Variants in PSMA1 observed in about 807,000 individuals in gnomAD.
The protein encoded by PSMA1 is proteasome 20S subunit alpha 1.
Under a neutral mutation model 38.4 loss-of-function variants are expected in PSMA1, and 3 were observed. The ratio of observed to expected loss-of-function variants is 0.08; its 90% confidence interval spans 0.04 to 0.20. The LOEUF is 0.20. Among genes scored for constraint, PSMA1 ranks in the 10% least tolerant of loss-of-function variants. The pLI, the probability that PSMA1 is intolerant of heterozygous loss-of-function variation, is 1.00. For synonymous variants in PSMA1, 101 were observed against 107.1 expected, an observed-to-expected ratio of 0.94 and a Z score of 0.35; for missense variants, 227 against 325.3, an observed-to-expected ratio of 0.70 and a Z score of 2.32.
chr11:14,509,533 C>T (rs1011846333), intron 8 of PSMA1, among the ~76,000 whole-genome samples: 3 of 151,396 alleles, frequency 2.0e-5, no homozygotes, highest in Non-Finnish European at 2.9e-5. Flanking sequence ...CTTTGTCACC[C>T]AGGCTGGAGT....
intron 1 of PSMA1, among the ~76,000 whole-genome samples, chr11:14,630,814 A>G (rs2133718810): frequency 6.6e-6 from 1 of 152,182 alleles, no homozygotes; most frequent in Non-Finnish European, 1.5e-5. Flanking sequence ...TTTGGTTGGT[A>G]AGCTATTGAT....
intron 2 of PSMA1, among the ~76,000 whole-genome samples, chr11:14,586,847 G>A (rs1340110191): frequency 6.6e-6 from 1 of 151,628 alleles, no homozygotes; most frequent in Non-Finnish European, 1.5e-5. Flanking sequence ...TGAAACCTCT[G>A]CTTTCCAGAT....
At chr11:14,548,749 A>C in intron 2 of PSMA1, among the ~76,000 whole-genome samples, 1 of 152,200 alleles carries the variant, frequency 6.6e-6, no homozygotes, top group East Asian at 1.9e-4. Flanking sequence ...CAAGAACATA[A>C]ATAAATTAAT....
intron 4 of PSMA1, among the ~76,000 whole-genome samples, chr11:14,514,694 T>C (rs892948150): frequency 2.0e-5 from 3 of 152,190 alleles, no homozygotes; most frequent in African/African-American, 4.8e-5. Context: ...TAAAAAAGAC[T>C]GAAACATTTT....
intron 2 of PSMA1, among the ~76,000 whole-genome samples, chr11:14,556,910 A>G (rs1851945818): frequency 6.6e-6 from 1 of 152,184 alleles, no homozygotes; most frequent in Non-Finnish European, 1.5e-5. Context: ...ATCATGGCTC[A>G]CTGTCGCCTC....
At chr11:14,620,865 T>C (rs756104026) in intron 1 of PSMA1, among the ~76,000 whole-genome samples, 14 of 152,222 alleles carry the variant, frequency 9.2e-5, no homozygotes, top group Admixed American at 3.3e-4. Flanking sequence ...GGGAAAGTTT[T>C]ATGAGACTTG....
At chr11:14,519,182 G>T in intron 1 of PSMA1, 141 bp from the exon 2 acceptor site, 1 of 736,862 alleles carries the variant, frequency 1.4e-6, no homozygotes, top group Non-Finnish European at 2.4e-6. Context: ...GATTACTACT[G>T]TACTCAGATG....
rs1851223345 is a variant in PSMA1, at chr11:14,505,102, C to T, written c.*90G>A. ...AACATAGCATTCCACCACTCTGCAA[C>T]TTTTGGTTCAAAGTATAGATTATTG... On this transcript the variant is annotated 3_prime_UTR_variant, in exon 10 of 10. Transcript: ENST00000396394. The T allele has an allele frequency of 5.6e-6, 7 of 1,244,400 alleles. No homozygotes were observed. Among genetic ancestry groups the T allele is most frequent in the Non-Finnish European group, 8.3e-6 (7 of 847,500 alleles). The allele number at this position is 1,244,400 out of a possible 1,614,324, so 77.1% of individuals were successfully genotyped here.
chr11:14,564,628 G>A (rs1852046947), intron 2 of PSMA1, among the ~76,000 whole-genome samples: 1 of 152,134 alleles, frequency 6.6e-6, no homozygotes, highest in Admixed American at 6.5e-5. Flanking sequence ...AACTGTCAGA[G>A]TGGCTGTCCC....
At chr11:14,520,150 T>G (rs1000994160) in intron 1 of PSMA1, 147 bp downstream of exon 1, 8 of 1,296,222 alleles carry the variant, frequency 6.2e-6, no homozygotes, top group Non-Finnish European at 6.6e-6. Flanking sequence ...CCGGAGATGC[T>G]GAATCACTGC....
intron 2 of PSMA1, among the ~76,000 whole-genome samples, chr11:14,580,957 G>A (rs1230000191): frequency 6.6e-6 from 1 of 152,230 alleles, no homozygotes; most frequent in Non-Finnish European, 1.5e-5. Flanking sequence ...CACATCAGGA[G>A]TGATAGGAAT....
chr11:14,519,272 ATTC>A, intron 1 of PSMA1: 1 of 583,102 alleles, frequency 1.7e-6, no homozygotes, highest in Non-Finnish European at 3.2e-6. Context: ...CCAAACTCTT[ATTC>A]TAACACCCTC....
upstream of PSMA1, chr11:14,520,533 G>A: frequency 7.2e-7 from 1 of 1,385,878 alleles, no homozygotes. Context: ...ACTGAGACTG[G>A]CGGGAAAACC....
chr11:14,590,125 A>T (rs1852393330), intron 2 of PSMA1, among the ~76,000 whole-genome samples: 1 of 152,232 alleles, frequency 6.6e-6, no homozygotes, highest in Non-Finnish European at 1.5e-5. Context: ...TTCTACTCAT[A>T]TGAGGTACCT....
At chr11:14,512,401 C>A (rs557965205) in intron 7 of PSMA1, among the ~76,000 whole-genome samples, 1 of 151,846 alleles carries the variant, frequency 6.6e-6, no homozygotes, top group African/African-American at 2.4e-5. Flanking sequence ...GAATTAAATA[C>A]CTAAATAAAT....
chr11:14,601,247 G>A (rs1852576984), intron 2 of PSMA1, among the ~76,000 whole-genome samples: 1 of 152,078 alleles, frequency 6.6e-6, no homozygotes, highest in Non-Finnish European at 1.5e-5. Context: ...GACTTGTGTT[G>A]GAAACAAACA....
chr11:14,555,888 A>G (rs538932258), intron 2 of PSMA1, among the ~76,000 whole-genome samples: 1 of 152,346 alleles, frequency 6.6e-6, no homozygotes, highest in East Asian at 1.9e-4. Context: ...TAAAACATCA[A>G]TGTTCATGAA....
chr11:14,515,302 C>T (rs1464247119), intron 4 of PSMA1, among the ~76,000 whole-genome samples: 2 of 152,086 alleles, frequency 1.3e-5, no homozygotes, highest in Admixed American at 1.3e-4. Flanking sequence ...AGTAGCTAGA[C>T]TGAATTGAGA....
chr11:14,580,542 C>T lies in PSMA1; in HGVS notation c.21+30424G>A, dbSNP rs944052874. Among the ~76,000 whole-genome samples the T allele has an allele frequency of 2.0e-5, 3 of 152,290 alleles. No individual in the cohort carries two copies. The East Asian group carries it at 5.8e-4, about 29-fold the overall frequency. On this transcript the variant is annotated intron_variant, in intron 2 of 10. Transcript: ENST00000418988. ...GGCCTTGTGTCCCATCTTAACTTCC[C>T]CTGAGTCCAGTACTTTGAGAGCTTC...
Sources: allele counts gnomAD v4.1 joint callset (sites outside exome capture counted in the v4.1 genomes callset), GRCh38; gene constraint gnomAD v4.1.1; transcripts MANE v1.5; gene names NCBI Gene and HGNC (gene_info 2026-07-23, HGNC 2026-07-21).